CUBN: variants seen among roughly 807,000 people sequenced by gnomAD.
CUBN encodes the protein cubilin, also known as 460 kDa receptor.
Under a neutral mutation model 405.3 loss-of-function variants are expected in CUBN, and 282 were observed. The ratio of observed to expected loss-of-function variants is 0.70; its 90% confidence interval spans 0.63 to 0.77. The LOEUF (loss-of-function observed/expected upper bound fraction) is 0.77, where lower values mean the gene tolerates loss of function less well. Ranked by LOEUF, CUBN falls within the 30% of genes least tolerant of loss-of-function variation. The pLI is 0.00. For synonymous variants in CUBN, 1,684 were observed against 1,617.0 expected, an observed-to-expected ratio of 1.04 and a Z score of -0.99; for missense variants, 4,514 against 4,475.2, an observed-to-expected ratio of 1.01 and a Z score of -0.25.
rs1564379474 is a variant in CUBN at position 16,840,416 on chromosome 10, G to A, written c.9946C>T (p.Gln3316Ter). ...CTWVIDSPPH[Q>*]QVKITVWALQ... ...GCCCACACAGTTATCTTGACCTGCT[G>A]ATGCGGAGGGGAATCAATGACCCAA... Residue 3316 changes from glutamine (Q) to a stop codon, truncating the protein, a stop_gained, in exon 62 of 67, where the codon CAG becomes TAG. Coordinates refer to ENST00000377833, the MANE Select transcript of CUBN (RefSeq NM_001081.4). LOFTEE classifies it high-confidence loss of function. 2 of 1,614,142 alleles carry A rather than the reference G, an allele frequency of 1.2e-6. No homozygotes were observed. The highest frequency in any genetic ancestry group is 1.7e-6 in the Non-Finnish European group (2 of 1,180,008).
chr10:16,975,221 T>C (rs1004337479), intron 31 of CUBN, among the ~76,000 whole-genome samples: 1 of 152,228 alleles, frequency 6.6e-6, no homozygotes, highest in Admixed American at 6.5e-5. Flanking sequence ...TCCCAGCACT[T>C]GTTTTTGAGT....
At chr10:16,871,475 A>G (rs940584157) in intron 58 of CUBN, among the ~76,000 whole-genome samples, 4 of 151,190 alleles carry the variant, frequency 2.6e-5, no homozygotes, top group African/African-American at 9.7e-5. Flanking sequence ...GCCTTGAGAA[A>G]AAAAATTGTT....
intron 56 of CUBN, among the ~76,000 whole-genome samples, chr10:16,882,876 T>A (rs1290443582): frequency 6.6e-6 from 1 of 152,062 alleles, no homozygotes. Flanking sequence ...TAGCTGGGCA[T>A]GGTGTCTGGT....
chr10:17,072,855 A>C (rs1215561776), intron 17 of CUBN, among the ~76,000 whole-genome samples: 2 of 152,194 alleles, frequency 1.3e-5, no homozygotes, highest in South Asian at 4.1e-4. Flanking sequence ...GGTTATTTTC[A>C]GAAAAAGTAT....
chr10:16,925,885 G>T lies in CUBN; in HGVS notation c.6272-111C>A, dbSNP rs1012188251. The T allele has an allele frequency of 5.5e-6, 5 of 908,644 alleles. No homozygotes were observed. In the Admixed American group the frequency reaches 9.8e-5, roughly 18 times the overall value. The allele number at this position is 908,644 out of a possible 1,614,324, so 56.3% of individuals were successfully genotyped here. A position where few individuals can be genotyped will look rare whatever the true frequency, so the allele number is the denominator to read the frequency against. On this transcript the variant is annotated intron_variant, in intron 41 of 66. Coordinates refer to ENST00000377833, the MANE Select transcript of CUBN (RefSeq NM_001081.4). Reference sequence around the variant, plus strand: ...CAAAGTGGAGGCAATAAAAATGCTTGAAAATAAAGCCAGAGTGCAGGAAAT... The same window carrying T: ...CAAAGTGGAGGCAATAAAAATGCTTTAAAATAAAGCCAGAGTGCAGGAAAT...
intron 60 of CUBN, among the ~76,000 whole-genome samples, chr10:16,845,834 G>A (rs1416942770): frequency 6.6e-6 from 1 of 152,184 alleles, no homozygotes; most frequent in Non-Finnish European, 1.5e-5. Flanking sequence ...GGTTAAGCCC[G>A]GTGCATTAAG....
intron 54 of CUBN, among the ~76,000 whole-genome samples, chr10:16,896,318 G>A: frequency 6.6e-6 from 1 of 151,974 alleles, no homozygotes. Flanking sequence ...TTTGTTTGAA[G>A]AACTTCTGTT....
intron 64 of CUBN, among the ~76,000 whole-genome samples, chr10:16,833,727 A>T (rs561014081): frequency 1.4e-4 from 21 of 152,352 alleles, no homozygotes; most frequent in Admixed American, 5.2e-4. Flanking sequence ...GAAGCTACCA[A>T]GAAACTATCA....
chr10:16,967,809 A>G (rs1843435944), intron 31 of CUBN, among the ~76,000 whole-genome samples: 1 of 144,860 alleles, frequency 6.9e-6, no homozygotes, highest in Non-Finnish European at 1.5e-5. Flanking sequence ...GAGAGAAAGA[A>G]GGAGAGACAG....
chr10:16,862,423 T>C (rs913278173), intron 59 of CUBN, among the ~76,000 whole-genome samples: 1 of 152,130 alleles, frequency 6.6e-6, no homozygotes, highest in South Asian at 2.1e-4. Context: ...TAAAGTAATA[T>C]ACATCAAGCA....
At chr10:17,008,466 G>A (rs773479208) in intron 28 of CUBN, among the ~76,000 whole-genome samples, 46 of 106,728 alleles carry the variant, frequency 4.3e-4, no homozygotes, top group Non-Finnish European at 7.5e-4. Flanking sequence ...GTGTGTGTGC[G>A]CGCTTAGCCA....
chr10:16,981,173 C>CAAA (rs1833259704), intron 31 of CUBN, among the ~76,000 whole-genome samples: 2 of 26,666 alleles, frequency 7.5e-5, no homozygotes, highest in Non-Finnish European at 3.1e-4. Context: ...GCCCCAGACT[C>CAAA]AGCAGACACA....
intron 65 of CUBN, 50 bp downstream of exon 65, chr10:16,831,202 C>A: frequency 6.5e-7 from 1 of 1,539,456 alleles, no homozygotes; most frequent in Non-Finnish European, 9.0e-7. Flanking sequence ...CTATTAGACA[C>A]CTCATGTTTT....
intron 58 of CUBN, among the ~76,000 whole-genome samples, 167 bp downstream of exon 58, chr10:16,874,207 G>A (rs113264798): frequency 4.6e-5 from 7 of 152,220 alleles, no homozygotes; most frequent in African/African-American, 1.4e-4. Flanking sequence ...GTGGAGAGGG[G>A]GAGCGTCATT....
chr10:17,092,998 A>G (rs1836298149), intron 14 of CUBN, among the ~76,000 whole-genome samples: 1 of 152,218 alleles, frequency 6.6e-6, no homozygotes, highest in Admixed American at 6.5e-5. Context: ...TTGAGAACAA[A>G]CAGCAAAGGA....
At chr10:17,104,394 G>A (rs367600589) in intron 12 of CUBN, 25 bp downstream of exon 12, 72 of 1,610,716 alleles carry the variant, frequency 4.5e-5, no homozygotes, top group Admixed American at 1.8e-4. Flanking sequence ...GTGAGCATCC[G>A]TGGCATAAGA....
At chr10:16,912,992 T>C (rs1333664567) in intron 48 of CUBN, among the ~76,000 whole-genome samples, 1 of 151,670 alleles carries the variant, frequency 6.6e-6, no homozygotes, top group African/African-American at 2.4e-5. Context: ...AAGTGAACGG[T>C]GGGGGTATTA....
chr10:16,957,855 A>G (rs977380291), intron 31 of CUBN, among the ~76,000 whole-genome samples: 2 of 151,808 alleles, frequency 1.3e-5, no homozygotes, highest in African/African-American at 4.8e-5. Context: ...AATTTTTTAA[A>G]CTAGTGGAAC....
At chr10:16,852,983 A>G (rs1477176410) in intron 59 of CUBN, among the ~76,000 whole-genome samples, 1 of 152,230 alleles carries the variant, frequency 6.6e-6, no homozygotes, top group African/African-American at 2.4e-5. Flanking sequence ...TTTATAGAAG[A>G]AAAAGGCCTT....
Sources: gnomAD v4.1 joint callset for allele counts (sites outside exome capture counted in the v4.1 genomes callset) on GRCh38, gnomAD v4.1.1 for gene constraint, MANE v1.5 for transcripts, NCBI Gene and HGNC (gene_info 2026-07-23, HGNC 2026-07-21) for gene names.